The following GCLM variants were observed in gnomAD, a reference collection of about 807,000 sequenced individuals.
GCLM encodes the protein glutamate-cysteine ligase modifier subunit, also known as glutamate--cysteine ligase regulatory subunit.
Under a neutral mutation model 36.0 loss-of-function variants are expected in GCLM, and 15 were observed. The ratio of observed to expected loss-of-function variants is 0.42; its 90% confidence interval spans 0.28 to 0.64. The LOEUF is 0.64. GCLM is among the 30% of genes least tolerant of loss of function. The pLI is 0.25. For missense variants in GCLM, 242 were observed against 325.5 expected, an observed-to-expected ratio of 0.74 and a Z score of 1.97; for synonymous variants, 129 against 122.8, an observed-to-expected ratio of 1.05 and a Z score of -0.34.
At chr1:93,903,897 CAG>C (rs1657051489) in intron 2 of GCLM, among the ~76,000 whole-genome samples, 1 of 152,018 alleles carries the variant, frequency 6.6e-6, no homozygotes, top group Non-Finnish European at 1.5e-5. Flanking sequence ...TTCAGAGAAA[CAG>C]AGATTGATTT....
In GCLM at chr1:93,888,625, T is replaced by C. The variant is rs1375324510; in HGVS notation, c.*365A>G. On this transcript the variant is annotated 3_prime_UTR_variant, in exon 7 of 7. Transcript: ENST00000370238. ...AGAGTTAAGAAGCAATTAATGAATTTTTTTTGGAAATAAAAAATATGTATA... is the reference window on the plus strand; with the variant it reads ...AGAGTTAAGAAGCAATTAATGAATTCTTTTTGGAAATAAAAAATATGTATA... 1 of 155,480 alleles carries C rather than the reference T, an allele frequency of 6.4e-6. No homozygotes were observed. Among genetic ancestry groups the C allele is most frequent in the Non-Finnish European group, 1.4e-5 (1 of 70,094 alleles). 9.6% of individuals were successfully genotyped at this position (155,480 alleles called of 1,614,324 possible). A position where few individuals can be genotyped will look rare whatever the true frequency, so the allele number is the denominator to read the frequency against.
chr1:93,903,994 C>T (rs965427435), intron 2 of GCLM, among the ~76,000 whole-genome samples: 3 of 152,182 alleles, frequency 2.0e-5, no homozygotes, highest in Non-Finnish European at 4.4e-5. Flanking sequence ...ATTTCCAGCA[C>T]ATGTCCTTTT....
chr1:93,894,644 T>C lies in GCLM; in HGVS notation c.625A>G (p.Ile209Val). 2.5e-6 allele frequency: 4 copies of C among 1,600,316 alleles called. No homozygotes were observed. Among genetic ancestry groups the C allele is most frequent in the Non-Finnish European group, 3.4e-6 (4 of 1,167,626 alleles). The change falls in exon 6 of 7, where the codon ATA (isoleucine) becomes GTA (valine). Residue 209 changes from isoleucine to valine, a missense_variant. By Grantham distance (29) the Ile-to-Val change is conservative. Coordinates refer to ENST00000370238, the MANE Select transcript of GCLM (RefSeq NM_002061.4). Reference protein sequence around the residue: ...DLTAFAKQFDIQLLTHNDPKE... With the variant: ...DLTAFAKQFDVQLLTHNDPKE... ...GGATCATTGTGAGTCAACAGCTGTA[T>C]GTCAAATTGTTTAGCAAATGCAGTC...
chr1:93,890,779 G>C (rs149742076), intron 6 of GCLM, among the ~76,000 whole-genome samples: 15 of 152,154 alleles, frequency 9.9e-5, no homozygotes, highest in African/African-American at 3.6e-4. Context: ...CTAGATACAC[G>C]CTATATTGCC....
intron 6 of GCLM, among the ~76,000 whole-genome samples, chr1:93,890,589 T>C (rs994639726): frequency 6.6e-6 from 1 of 152,168 alleles, no homozygotes; most frequent in African/African-American, 2.4e-5. Flanking sequence ...ACTTAAATCA[T>C]TGCAAGACCA....
At chr1:93,889,419 GT>G (rs1488160602) in intron 6 of GCLM, among the ~76,000 whole-genome samples, 2 of 152,070 alleles carry the variant, frequency 1.3e-5, no homozygotes, top group African/African-American at 4.8e-5. Context: ...GACATCTGCA[GT>G]TTTTTAAAGA....
At chr1:93,903,132 A>G (rs1657021460) in intron 2 of GCLM, among the ~76,000 whole-genome samples, 1 of 152,116 alleles carries the variant, frequency 6.6e-6, no homozygotes, top group Non-Finnish European at 1.5e-5. Context: ...GGTTGCTTCA[A>G]ATTTTAGCAA....
At position 93,896,825 on chromosome 1, in the gene GCLM, T is replaced by C. The variant is rs1003608008; in HGVS notation, c.338-5A>G. ...CAACTCCAAGGACTGAACAGGCTGA[T>C]AGGAAGGAAGACACAAAGAAAATAA... On this transcript the variant is annotated splice_polypyrimidine_tract_variant and splice_region_variant and intron_variant, in intron 4 of 6. Transcript: ENST00000370238. The C allele has an allele frequency of 4.6e-6, 7 of 1,532,832 alleles. No individual in the cohort carries two copies. The highest frequency in any genetic ancestry group is 1.4e-5 in the African/African-American group (1 of 73,388). The allele number at this position is 1,532,832 out of a possible 1,614,324, so 95.0% of individuals were successfully genotyped here.
At chr1:93,904,441 T>A (rs1188743110) in intron 2 of GCLM, 82 bp downstream of exon 2, 1 of 909,318 alleles carries the variant, frequency 1.1e-6, no homozygotes. Context: ...TTGACTTCCC[T>A]CACAAAACTG....
intron 1 of GCLM, among the ~76,000 whole-genome samples, chr1:93,908,340 C>T (rs1470039335): frequency 6.6e-6 from 1 of 152,116 alleles, no homozygotes; most frequent in Admixed American, 6.5e-5. Flanking sequence ...TTTTACAAAA[C>T]TTTAATTTTT....
chr1:93,900,907 T>A (rs1434418207), intron 3 of GCLM, among the ~76,000 whole-genome samples: 1 of 152,180 alleles, frequency 6.6e-6, no homozygotes, highest in Admixed American at 6.5e-5. Context: ...AACAGGTACA[T>A]CCCCATTTTA....
rs868785187 is a variant in GCLM, at chr1:93,886,859, G to A, written c.*2131C>T. On this transcript the variant is annotated 3_prime_UTR_variant, in exon 7 of 7. Coordinates refer to ENST00000370238, the MANE Select transcript of GCLM (RefSeq NM_002061.4). ...AAGGACTTATATGAAAAAAATGTTG[G>A]GCATTTCCAAATGTAAAGATGAACT... is the stretch of plus-strand genomic sequence containing the variant. The A allele has an allele frequency of 5.3e-4, 81 of 151,766 alleles. No homozygotes were observed. Among genetic ancestry groups the A allele is most frequent in the African/African-American group, 1.9e-3 (79 of 41,376 alleles). The allele number at this position is 151,766 out of a possible 1,614,324, so 9.4% of individuals were successfully genotyped here. A position where few individuals can be genotyped will look rare whatever the true frequency, so the allele number is the denominator to read the frequency against.
At chr1:93,894,753 T>TC in intron 5 of GCLM, 25 bp from the exon 6 acceptor site, 6 of 1,030,158 alleles carry the variant, frequency 5.8e-6, no homozygotes, top group Non-Finnish European at 7.7e-6. Flanking sequence ...AAAATCATGA[T>TC]ATCACTACTA....
chr1:93,904,114 C>G (rs1044157894), intron 2 of GCLM, among the ~76,000 whole-genome samples: 5 of 152,182 alleles, frequency 3.3e-5, no homozygotes, highest in African/African-American at 1.2e-4. Flanking sequence ...TAGCCATATA[C>G]TGACATTTAG....
At position 93,909,333 on chromosome 1, in the gene GCLM, C is replaced by A; in HGVS notation, c.-170G>T. 9.7e-7 allele frequency: 1 copy of A among 1,031,952 alleles called. No individual in the cohort carries two copies. The highest frequency in any genetic ancestry group is 9.1e-5 in the East Asian group (1 of 11,002). 63.9% of individuals were successfully genotyped at this position (1,031,952 alleles called of 1,614,324 possible). ...GGTCTGCGCTCGGGCCCGAGGGAGG[C>A]CGGACGGCGGCTGGGCGGCGGCGGG... On this transcript the variant is annotated 5_prime_UTR_variant, in exon 1 of 7. Transcript: ENST00000370238.
At chr1:93,908,874 G>A (rs1657248827) in intron 1 of GCLM, 164 bp downstream of exon 1, 1 of 483,506 alleles carries the variant, frequency 2.1e-6, no homozygotes, top group African/African-American at 2.0e-5. Context: ...TTGGACCCAA[G>A]GTCGCGTCGA....
rs147435328 is a variant in GCLM, at chr1:93,889,578, C to CAT, written c.656-421_656-420dup. Among the ~76,000 whole-genome samples, 522 of 149,146 alleles carry CAT rather than the reference C, an allele frequency of 3.5e-3. 5 individuals are homozygous for CAT. The highest frequency in any genetic ancestry group is 9.1e-3 in the African/African-American group (370 of 40,838). Reference sequence around the variant, plus strand: ...TTTGGTGTATATGAGTATATATCTTCATATATATATATATATCTTCATCCA... The same window carrying CAT: ...TTTGGTGTATATGAGTATATATCTTCATATATATATATATATATCTTCATCCA... On this transcript the variant is annotated intron_variant, in intron 6 of 6. Transcript: ENST00000370238.
At chr1:93,897,953 T>A (rs1656794139) in intron 3 of GCLM, 55 bp from the exon 4 acceptor site, 1 of 867,542 alleles carries the variant, frequency 1.2e-6, no homozygotes, top group Non-Finnish European at 1.8e-6. Flanking sequence ...CATTTCACTA[T>A]ATGCTAGTAT....
At chr1:93,895,076 G>A (rs1017868275) in intron 5 of GCLM, among the ~76,000 whole-genome samples, 23 of 149,292 alleles carry the variant, frequency 1.5e-4, no homozygotes, top group Non-Finnish European at 3.3e-4. Flanking sequence ...GTACAGTGGC[G>A]TGATCTTGGC....
Sources: gnomAD v4.1 joint callset for allele counts (sites outside exome capture counted in the v4.1 genomes callset) on GRCh38, gnomAD v4.1.1 for gene constraint, MANE v1.5 for transcripts, NCBI Gene and HGNC (gene_info 2026-07-23, HGNC 2026-07-21) for gene names.